The following FRMD8 variants were observed in gnomAD, a reference collection of about 807,000 sequenced individuals.
The protein encoded by FRMD8 is FERM domain containing 8.
FRMD8 carries 37 observed loss-of-function variants against 54.2 expected under a neutral mutation model. That is an observed-to-expected ratio of 0.68 (90% CI 0.53 to 0.90). The LOEUF (loss-of-function observed/expected upper bound fraction) is 0.90. FRMD8 is among the 40% of genes least tolerant of loss of function. FRMD8 has a pLI of 0.00. For synonymous variants in FRMD8, 246 were observed against 286.9 expected, an observed-to-expected ratio of 0.86 and a Z score of 1.44; for missense variants, 585 against 653.7, an observed-to-expected ratio of 0.89 and a Z score of 1.15.
Position 65,389,521 on chromosome 11 carries a change from T to A in FRMD8, c.246T>A (p.Pro82=). The A allele has an allele frequency of 6.3e-7, 1 of 1,583,838 alleles. No homozygotes were observed. Among genetic ancestry groups the A allele is most frequent in the Non-Finnish European group, 8.6e-7 (1 of 1,169,552 alleles). Residue 82 remains proline (P), a synonymous_variant, in exon 3 of 11, where the codon CCT becomes CCA. Transcript: ENST00000317568. ...TCTTCGCGCTCTGGCTGGTCTCCCC[T>A]CTGCTGGGTAAGGCTTGGCAGTGAG... is the stretch of plus-strand genomic sequence containing the variant. ...LDVFALWLVS[P]LLEVQLKPKH...
intron 3 of FRMD8, among the ~76,000 whole-genome samples, chr11:65,392,573 G>C (rs1293840936): frequency 6.6e-6 from 1 of 152,156 alleles, no homozygotes; most frequent in Non-Finnish European, 1.5e-5. Flanking sequence ...GTCCCTCCTG[G>C]CCTGAGGCAT....
chr11:65,405,412 A>G (rs1856174499), intron 10 of FRMD8, among the ~76,000 whole-genome samples: 1 of 152,188 alleles, frequency 6.6e-6, no homozygotes, highest in African/African-American at 2.4e-5. Context: ...ACCTGAGGTC[A>G]GGAGTTCAAG....
At chr11:65,401,492 GTC>G (rs1856080349) in intron 9 of FRMD8, among the ~76,000 whole-genome samples, 1 of 148,714 alleles carries the variant, frequency 6.7e-6, no homozygotes, top group Admixed American at 6.8e-5. Flanking sequence ...TTCATCTCGG[GTC>G]TCTCTGGATC....
At chr11:65,376,294 T>G in the FRMD8 span, 1 of 1,352,762 alleles carries the variant, frequency 7.4e-7, no homozygotes, top group Non-Finnish European at 1.0e-6. Flanking sequence ...GCACCTTGGT[T>G]AGGAAGGGCT....
At chr11:65,394,798 G>T (rs1351094154) in intron 6 of FRMD8, among the ~76,000 whole-genome samples, 2 of 152,202 alleles carry the variant, frequency 1.3e-5, no homozygotes, top group Non-Finnish European at 2.9e-5. Flanking sequence ...CAGGCGGTCG[G>T]CAAGCTGGCT....
At chr11:65,398,739 G>A (rs534567115) in intron 7 of FRMD8, among the ~76,000 whole-genome samples, 15 of 152,346 alleles carry the variant, frequency 9.8e-5, no homozygotes, top group Admixed American at 7.8e-4. Flanking sequence ...TCTCCTGGCT[G>A]CTTTGGTTTC....
At chr11:65,392,973 A>G (rs993250230) in intron 3 of FRMD8, among the ~76,000 whole-genome samples, 4 of 152,204 alleles carry the variant, frequency 2.6e-5, no homozygotes, top group African/African-American at 9.7e-5. Flanking sequence ...AAGGAGATTT[A>G]AGAAGGCCAA....
At position 65,393,575 on chromosome 11, in the gene FRMD8, G is replaced by A. The variant is rs773633810; in HGVS notation, c.256G>A (p.Val86Met). Residue 86 changes from valine (V) to methionine (M), a missense_variant and splice_region_variant, in exon 4 of 11, where the codon GTG becomes ATG. By Grantham distance (21) the Val-to-Met change is conservative (BLOSUM62 1). Transcript: ENST00000317568. The part of the protein sequence containing the change: ...ALWLVSPLLE[V>M]QLKPKHQPYK... ...CCACTCCCCATCTCGTCCTGCAGAG[G>A]TGCAGCTGAAACCCAAGCACCAGCC... The A allele has an allele frequency of 5.6e-6, 9 of 1,607,780 alleles. No individual in the cohort carries two copies. In the East Asian group the frequency reaches 1.1e-4, roughly 20 times the overall value.
At chr11:65,382,243 G>A, upstream of FRMD8, 1 of 500,274 alleles carries the variant, frequency 2.0e-6, no homozygotes, top group Non-Finnish European at 3.7e-6. The surrounding 1 kb of genome is among the most constrained non-coding windows in gnomAD (Gnocchi z 4.4). Context: ...TCTGAGGATG[G>A]CAACTGGGTT....
the FRMD8 span, chr11:65,381,571 T>TC: frequency 6.1e-6 from 1 of 163,098 alleles, no homozygotes; most frequent in Non-Finnish European, 1.3e-5. Context: ...TTTTTTTTTT[T>TC]TTTTTTTTTT....
In FRMD8 at chr11:65,389,492, G is replaced by C; in HGVS notation, c.217G>C (p.Asp73His). 1 of 1,606,446 alleles carries C rather than the reference G, an allele frequency of 6.2e-7. No homozygotes were observed. The highest frequency in any genetic ancestry group is 8.5e-7 in the Non-Finnish European group (1 of 1,179,454). Residue 73 changes from aspartate to histidine, a missense_variant, in exon 3 of 11, where the codon GAT becomes CAT. Coordinates refer to ENST00000317568, the MANE Select transcript of FRMD8 (RefSeq NM_031904.5). ...CCTGCAGCTTCCAGACATCGCCCTG[G>C]ATGTCTTCGCGCTCTGGCTGGTCTC... ...EVLQLPDIAL[D>H]VFALWLVSPL...
At chr11:65,405,124 C>G (rs114876876) in intron 10 of FRMD8, 56 bp downstream of exon 10, 2 of 1,535,240 alleles carry the variant, frequency 1.3e-6, no homozygotes, top group South Asian at 2.3e-5. Context: ...GTGCACACAC[C>G]GGGGGGAGTT....
chr11:65,404,895 G>A lies in FRMD8; in HGVS notation c.1103G>A (p.Cys368Tyr), dbSNP rs1217148441. The change falls in exon 10 of 11, where the codon TGC (cysteine) becomes TAC (tyrosine). Residue 368 changes from cysteine (C) to tyrosine (Y), a missense_variant. Physicochemically the swap from Cys to Tyr is radical, Grantham distance 194. Coordinates refer to ENST00000317568, the MANE Select transcript of FRMD8 (RefSeq NM_031904.5). The surrounding 1 kb of genome is among the most constrained non-coding windows in gnomAD (Gnocchi z 4.7). ...CTGATGAGCAGTCTCATTGAGTACT[G>A]CATCGAACTGAGCCAGGCGGCGGAG... Reference protein sequence around the residue: ...AELMSSLIEYCIELSQAAEPA... With the variant: ...AELMSSLIEYYIELSQAAEPA... 2 of 1,613,188 alleles carry A rather than the reference G, an allele frequency of 1.2e-6. No individual in the cohort carries two copies. The highest frequency in any genetic ancestry group is 2.2e-5 in the East Asian group (1 of 44,880).
the FRMD8 span, chr11:65,376,955 A>G: frequency 3.1e-6 from 5 of 1,613,030 alleles, no homozygotes; most frequent in Admixed American, 1.7e-5. Context: ...CTCCCGGAAG[A>G]TGGAGGCTGC....
At position 65,411,438 on chromosome 11, in the gene FRMD8, G is replaced by A; in HGVS notation, c.*78G>A. Reference sequence around the variant, plus strand: ...TCCTCCTGAGGGGCAGGCGCCGGCTGCAACAGTCTCATGGGTCACCACGTG... The same window carrying A: ...TCCTCCTGAGGGGCAGGCGCCGGCTACAACAGTCTCATGGGTCACCACGTG... On this transcript the variant is annotated 3_prime_UTR_variant, in exon 11 of 11. Coordinates refer to ENST00000317568, the MANE Select transcript of FRMD8 (RefSeq NM_031904.5). 2.1e-6 allele frequency: 2 copies of A among 940,846 alleles called. No homozygotes were observed. Among genetic ancestry groups the A allele is most frequent in the South Asian group, 1.8e-5 (1 of 55,222 alleles). 58.3% of individuals were successfully genotyped at this position (940,846 alleles called of 1,614,324 possible).
intron 2 of FRMD8, 62 bp downstream of exon 2, chr11:65,387,183 C>T: frequency 1.6e-6 from 2 of 1,290,050 alleles, no homozygotes; most frequent in Admixed American, 3.4e-5. Context: ...GGAGAAGTAG[C>T]TCTGGCTTGT....
the FRMD8 span, chr11:65,376,929 G>T: frequency 6.2e-7 from 1 of 1,613,424 alleles, no homozygotes; most frequent in Non-Finnish European, 8.5e-7. Context: ...CCTCGGAACA[G>T]CCCCCGGGGC....
the FRMD8 span, chr11:65,379,236 A>C: frequency 1.1e-6 from 1 of 928,902 alleles, no homozygotes; most frequent in South Asian, 1.6e-5. Flanking sequence ...GCAGCCTGGA[A>C]GGCCATAGCA....
chr11:65,391,660 G>A (rs1260001412), intron 3 of FRMD8, among the ~76,000 whole-genome samples: 1 of 151,950 alleles, frequency 6.6e-6, no homozygotes, highest in African/African-American at 2.4e-5. Context: ...ACAAGCAAGC[G>A]ACACCACGCC....
Sources: allele counts gnomAD v4.1 joint callset (sites outside exome capture counted in the v4.1 genomes callset), GRCh38; gene constraint gnomAD v4.1.1; non-coding constraint Gnocchi (gnomAD v3.1); transcripts MANE v1.5; gene names NCBI Gene and HGNC (gene_info 2026-07-23, HGNC 2026-07-21).